Variants in ATP1A4 observed in about 807,000 individuals in gnomAD.
ATP1A4 encodes sodium/potassium-transporting ATPase subunit alpha-4.
In ATP1A4, 90 loss-of-function variants were observed where a neutral mutation model predicts 114.3. The ratio of observed to expected loss-of-function variants is 0.79; its 90% CI spans 0.66 to 0.94. The LOEUF is 0.94. ATP1A4 is among the 40% of genes least tolerant of loss of function. ATP1A4 has a pLI of 0.00. For missense variants in ATP1A4, 1,222 were observed against 1,313.6 expected (o/e 0.93, Z 1.08); for synonymous variants, 511 against 494.1 (o/e 1.03, Z -0.45).
rs780346102 is a variant in ATP1A4 at position 160,176,558 on chromosome 1, A to C, written c.2546A>C (p.Asn849Thr). Reference protein sequence around the residue: ...KRLPRNPKTDNLVNHRLIGMA... With the variant: ...KRLPRNPKTDTLVNHRLIGMA... ...CTTCCAAGGAACCCAAAGACGGATA[A>C]TCTGGTGAACCACCGTCTCATTGGC... The change falls in exon 17 of 22, where the codon AAT becomes ACT. Residue 849 changes from asparagine (N) to threonine (T), a missense_variant. Physicochemically the swap from Asn to Thr is moderately conservative, Grantham distance 65. Coordinates refer to ENST00000368081, the MANE Select transcript of ATP1A4 (RefSeq NM_144699.4). 5.6e-6 allele frequency: 9 copies of C among 1,614,172 alleles called. No homozygotes were observed. Among genetic ancestry groups the C allele is most frequent in the Non-Finnish European group, 7.6e-6 (9 of 1,180,040 alleles).
Position 160,166,735 on chromosome 1 carries a change from T to C in ATP1A4, c.1246+9T>C, listed in dbSNP as rs375887138. ...CACTGAAGAACAGACTGGTGACTAGTGGTATTGGTGGAACAAGAGTGGAGG... is the reference window on the plus strand; with the variant it reads ...CACTGAAGAACAGACTGGTGACTAGCGGTATTGGTGGAACAAGAGTGGAGG... On this transcript the variant is annotated intron_variant, in intron 8 of 21. Coordinates refer to ENST00000368081, the MANE Select transcript of ATP1A4 (RefSeq NM_144699.4). 5 of 1,613,790 alleles carry C rather than the reference T, an allele frequency of 3.1e-6. No individual in the cohort carries two copies. Among genetic ancestry groups the C allele is most frequent in the Admixed American group, 3.3e-5 (2 of 59,976 alleles).
Position 160,174,201 on chromosome 1 carries a change from C to T in ATP1A4, c.2082C>T (p.Ile694=), listed in dbSNP as rs573699765. The change falls in exon 14 of 22, where the codon ATC becomes ATT. Residue 694 remains isoleucine (I), a synonymous_variant. Coordinates refer to ENST00000368081, the MANE Select transcript of ATP1A4 (RefSeq NM_144699.4). The part of the protein sequence containing the change: ...LDQILQNHPE[I]VFARTSPQQK... ...AGATCCTCCAGAACCACCCTGAGATCGTGTTTGCTCGGACCTCCCCTCAGC... is the reference window on the plus strand; with the variant it reads ...AGATCCTCCAGAACCACCCTGAGATTGTGTTTGCTCGGACCTCCCCTCAGC... 242 of 1,614,148 alleles carry T rather than the reference C, an allele frequency of 1.5e-4. 2 individuals carry two copies. In the South Asian group the frequency reaches 2.3e-3, roughly 15 times the overall value.
intron 12 of ATP1A4, among the ~76,000 whole-genome samples, chr1:160,172,327 G>A (rs1202439838): frequency 6.6e-6 from 1 of 152,192 alleles, no homozygotes; most frequent in Non-Finnish European, 1.5e-5. Flanking sequence ...TAGGAGGCCT[G>A]GGGCTCTGGA....
chr1:160,166,727 G>A lies in ATP1A4; in HGVS notation c.1246+1G>A, dbSNP rs1179055065. ...GCCGACACCACTGAAGAACAGACTGGTGACTAGTGGTATTGGTGGAACAAG... is the reference window on the plus strand; with the variant it reads ...GCCGACACCACTGAAGAACAGACTGATGACTAGTGGTATTGGTGGAACAAG... On this transcript the variant is annotated splice_donor_variant, in intron 8 of 21. Transcript: ENST00000368081. LOFTEE classifies it high-confidence loss of function. 1.2e-6 allele frequency: 2 copies of A among 1,614,192 alleles called. No homozygotes were observed. The highest frequency in any genetic ancestry group is 1.7e-6 in the Non-Finnish European group (2 of 1,180,036).
chr1:160,161,600 T>A (rs2101630827), intron 6 of ATP1A4, among the ~76,000 whole-genome samples: 1 of 152,306 alleles, frequency 6.6e-6, no homozygotes, highest in Non-Finnish European at 1.5e-5. Context: ...ACAAGATATA[T>A]GTAGGTGACA....
chr1:160,174,846 A>T, intron 15 of ATP1A4, 99 bp downstream of exon 15: 1 of 1,550,050 alleles, frequency 6.5e-7, no homozygotes, highest in Non-Finnish European at 8.7e-7. Flanking sequence ...TCCAACCTCC[A>T]TGAGCCTGTA....
At position 160,167,326 on chromosome 1, in the gene ATP1A4, G is replaced by A. The variant is rs150522871; in HGVS notation, c.1405G>A (p.Glu469Lys). The change falls in exon 10 of 22, where the codon GAG becomes AAG. Residue 469 changes from glutamate (E) to lysine (K), a missense_variant. Glu to Lys is a moderately conservative substitution (Grantham distance 56). Coordinates refer to ENST00000368081, the MANE Select transcript of ATP1A4 (RefSeq NM_144699.4). Reference protein sequence around the residue: ...ASESALLKFIEQSYSSVAEMR... With the variant: ...ASESALLKFIKQSYSSVAEMR... ...CGAGTCAGCCCTCCTCAAGTTCATC[G>A]AGCAGTCTTACAGCTCTGTGGCGGA... 21 of 1,609,614 alleles carry A rather than the reference G, an allele frequency of 1.3e-5. No homozygotes were observed. The Admixed American group carries it at 1.6e-4, about 12-fold the overall frequency.
At chr1:160,163,425 C>T (rs1478112253) in intron 6 of ATP1A4, among the ~76,000 whole-genome samples, 2 of 152,176 alleles carry the variant, frequency 1.3e-5, no homozygotes, top group Non-Finnish European at 2.9e-5. Context: ...AATTGGGGTT[C>T]CCACGACTCC....
intron 4 of ATP1A4, among the ~76,000 whole-genome samples, chr1:160,156,916 G>A (rs932882198): frequency 3.9e-5 from 6 of 152,158 alleles, no homozygotes; most frequent in African/African-American, 9.7e-5. Flanking sequence ...AGTTCAAGAC[G>A]AGCCTGAGTA....
At chr1:160,166,419 T>G in intron 7 of ATP1A4, 109 bp from the exon 8 acceptor site, 1 of 1,388,026 alleles carries the variant, frequency 7.2e-7, no homozygotes, top group East Asian at 2.5e-5. Context: ...AAAAGGGAAG[T>G]AAGTACAAAA....
At chr1:160,174,835 A>T in intron 15 of ATP1A4, 88 bp downstream of exon 15, 1 of 1,572,088 alleles carries the variant, frequency 6.4e-7, no homozygotes, top group Non-Finnish European at 8.6e-7. Context: ...TTTTCCCATC[A>T]TCCAACCTCC....
intron 4 of ATP1A4, 119 bp downstream of exon 4, chr1:160,156,277 G>A: frequency 1.4e-6 from 1 of 711,838 alleles, no homozygotes; most frequent in Non-Finnish European, 2.5e-6. Context: ...GGTTGGTGAT[G>A]AGGGGGTCAA....
intron 11 of ATP1A4, 56 bp from the exon 12 acceptor site, chr1:160,171,529 A>T: frequency 6.3e-7 from 1 of 1,599,568 alleles, no homozygotes; most frequent in African/African-American, 1.3e-5. Context: ...TGGGGTAAGC[A>T]GATAGGAATG....
At chr1:160,178,401 G>A (rs1397476806) in intron 18 of ATP1A4, among the ~76,000 whole-genome samples, 3 of 151,410 alleles carry the variant, frequency 2.0e-5, no homozygotes, top group Non-Finnish European at 2.9e-5. Context: ...AACCAGCTGG[G>A]CACAGTGACT....
chr1:160,167,254 A>G, intron 9 of ATP1A4, 24 bp from the exon 10 acceptor site: 1 of 1,585,836 alleles, frequency 6.3e-7, no homozygotes, highest in Non-Finnish European at 8.6e-7. Flanking sequence ...CCTGGGGCTT[A>G]CTATACAAAC....
chr1:160,186,309 T>C lies in ATP1A4; in HGVS notation c.3003T>C (p.Ser1001=). ...GGTGGCTCTGTGCCATTCCCTACAG[T>C]ATTCTCATCTTCGTCTATGATGAAA... ...ITWWLCAIPY[S]ILIFVYDEIR... The change falls in exon 21 of 22, where the codon AGT becomes AGC. Residue 1001 remains serine (S), a synonymous_variant. Transcript: ENST00000368081. 1 of 1,613,654 alleles carries C rather than the reference T, an allele frequency of 6.2e-7. No individual in the cohort carries two copies. The highest frequency in any genetic ancestry group is 1.1e-5 in the South Asian group (1 of 91,080).
Position 160,164,439 on chromosome 1 carries a change from TG to T in ATP1A4, c.1047+17del. On this transcript the variant is annotated intron_variant, in intron 7 of 21. Transcript: ENST00000368081. Reference sequence around the variant, plus strand: ...CCACAGTCACTGTGAGTAGACAGGGTGGAAAATGGCCTCAGGGCAGACAAAC... The same window carrying T: ...CCACAGTCACTGTGAGTAGACAGGGTGAAAATGGCCTCAGGGCAGACAAAC... 1 of 1,612,932 alleles carries T rather than the reference TG, an allele frequency of 6.2e-7. No individual in the cohort carries two copies. The highest frequency in any genetic ancestry group is 8.5e-7 in the Non-Finnish European group (1 of 1,179,122).
intron 15 of ATP1A4, among the ~76,000 whole-genome samples, chr1:160,175,813 C>G (rs1653439631): frequency 6.6e-6 from 1 of 152,170 alleles, no homozygotes; most frequent in Non-Finnish European, 1.5e-5. Context: ...TACTGACATT[C>G]TCAAACATCG....
rs781610707 is a variant in ATP1A4, at chr1:160,176,731, A to G, written c.2590+129A>G. 3.4e-5 allele frequency: 42 copies of G among 1,221,436 alleles called. No homozygotes were observed. The Admixed American group carries it at 5.3e-4, about 16-fold the overall frequency. The allele number at this position is 1,221,436 out of a possible 1,614,324, so 75.7% of individuals were successfully genotyped here. ...ACAAACTGTGCTAGGCCCTGAAAACACAAAGAACCACTCATCTCTGATCTG... is the reference window on the plus strand; with the variant it reads ...ACAAACTGTGCTAGGCCCTGAAAACGCAAAGAACCACTCATCTCTGATCTG... On this transcript the variant is annotated intron_variant, in intron 17 of 21. Coordinates refer to ENST00000368081, the MANE Select transcript of ATP1A4 (RefSeq NM_144699.4).
Sources: gnomAD v4.1 joint callset for allele counts (sites outside exome capture counted in the v4.1 genomes callset) on GRCh38, gnomAD v4.1.1 for gene constraint, MANE v1.5 for transcripts, NCBI Gene and HGNC (gene_info 2026-07-23, HGNC 2026-07-21) for gene names.